NBPF26: variants seen among roughly 807,000 people sequenced by gnomAD.
The protein encoded by NBPF26 is NBPF family member NBPF26.
A neutral mutation model predicts 119.6 loss-of-function variants in NBPF26; 79 were observed. The ratio of observed to expected loss-of-function variants is 0.66; its 90% CI spans 0.55 to 0.80. NBPF26 has a LOEUF of 0.80. Among genes scored for constraint, NBPF26 ranks in the 30% least tolerant of loss-of-function variants. The pLI, the probability that NBPF26 is intolerant of heterozygous loss-of-function variation, is 0.00. For synonymous variants in NBPF26, 299 were observed against 457.7 expected (o/e 0.65, Z 4.43); for missense variants, 800 against 1,198.2 (o/e 0.67, Z 4.91).
At chr1:120,840,521 C>T (rs1553273540) in exon 30 of NBPF26, 1 of 1,474,016 alleles carries the variant, frequency 6.8e-7, no homozygotes, top group Admixed American at 1.8e-5. Flanking sequence ...TTTACGTGGA[C>T]AATAGGTTTT....
intron 1 of NBPF26, among the ~76,000 whole-genome samples, chr1:120,759,841 C>T (rs1292298007): frequency 8.8e-6 from 1 of 113,940 alleles, no homozygotes; most frequent in Non-Finnish European, 1.7e-5. Flanking sequence ...GAAATTTACT[C>T]TCTTAGCAAT....
At chr1:120,790,010 CTTT>C (rs1174501165) in intron 3 of NBPF26, among the ~76,000 whole-genome samples, 2 of 34,940 alleles carry the variant, frequency 5.7e-5, no homozygotes, top group African/African-American at 3.7e-4. Context: ...TTCTGATCAC[CTTT>C]TTTTTTTTTT....
intron 4 of NBPF26, chr1:120,805,304 T>A (rs1651653729): frequency 9.4e-7 from 1 of 1,063,790 alleles, no homozygotes; most frequent in African/African-American, 2.4e-5. Context: ...TGCAGACGGT[T>A]ACCTGGCACG....
In NBPF26 at chr1:120,783,747, T is replaced by C. The variant is rs1348519247; in HGVS notation, c.156-1227T>C. On this transcript the variant is annotated intron_variant, in intron 2 of 29. Transcript: ENST00000620612. ...TGCAGTCCAGACTTAAACGTTAGGG[T>C]GGCCATAATATATGGGGAAGAAGGA... Among the ~76,000 whole-genome samples the C allele has an allele frequency of 4.3e-5, 5 of 116,836 alleles. 2 individuals are homozygous for C. Among genetic ancestry groups the C allele is most frequent in the Non-Finnish European group, 8.2e-5 (5 of 61,038 alleles). 76.6% of individuals were successfully genotyped at this position (116,836 alleles called of 152,430 possible).
At position 120,790,720 on chromosome 1, in the gene NBPF26, C is replaced by T. The variant is rs1275172047; in HGVS notation, c.416-2441C>T. Among the ~76,000 whole-genome samples, 34 of 111,618 alleles carry T rather than the reference C, an allele frequency of 3.0e-4. 5 individuals carry two copies. The highest frequency in any genetic ancestry group is 3.4e-5 in the Non-Finnish European group (2 of 59,358). The allele number at this position is 111,618 out of a possible 152,430, so 73.2% of individuals were successfully genotyped here. A position where few individuals can be genotyped will look rare whatever the true frequency, so the allele number is the denominator to read the frequency against. On this transcript the variant is annotated intron_variant, in intron 3 of 29. Transcript: ENST00000620612. Reference sequence around the variant, plus strand: ...GTTCGAGTGATTCTTGTGCCTCAGCCTCCCAGGTAGCTGGGATTACAGGTA... The same window carrying T: ...GTTCGAGTGATTCTTGTGCCTCAGCTTCCCAGGTAGCTGGGATTACAGGTA...
exon 1 of NBPF26, chr1:120,724,193 C>G: frequency 7.1e-7 from 1 of 1,399,772 alleles, no homozygotes; most frequent in East Asian, 2.4e-5. Flanking sequence ...CGCCCTGCGT[C>G]CCGCTCTGCT....
intron 22 of NBPF26, among the ~76,000 whole-genome samples, chr1:120,832,427 C>G (rs1313882650): frequency 8.2e-5 from 8 of 97,830 alleles, no homozygotes; most frequent in Admixed American, 3.8e-4. Flanking sequence ...GCAGATGTGA[C>G]AAATTCAGAG....
intron 5 of NBPF26, among the ~76,000 whole-genome samples, chr1:120,806,303 A>C (rs1388794853): frequency 8.5e-6 from 1 of 117,776 alleles, no homozygotes; most frequent in Non-Finnish European, 1.7e-5. Context: ...CATCAAGAGC[A>C]GGGAGTAGGG....
rs1475527272 is a variant in NBPF26, at chr1:120,811,609, G to A, written c.1565-277G>A. Among the ~76,000 whole-genome samples, 4 of 113,162 alleles carry A rather than the reference G, an allele frequency of 3.5e-5. 1 individual carries two copies. The East Asian group carries it at 8.4e-4, about 24-fold the overall frequency. The allele number at this position is 113,162 out of a possible 152,430, so 74.2% of individuals were successfully genotyped here. On this transcript the variant is annotated intron_variant, in intron 9 of 29. Coordinates refer to ENST00000620612, the Ensembl canonical transcript of NBPF26. ...TCTTTTGTGCTACACAGAAACATTG[G>A]CCACTCATGGGGTAAAAATCTCAGG...
chr1:120,810,153 C>A (rs1166499692), intron 8 of NBPF26, among the ~76,000 whole-genome samples, 194 bp from the exon 9 acceptor site: 1 of 122,148 alleles, frequency 8.2e-6, no homozygotes, highest in East Asian at 2.0e-4. Flanking sequence ...CTGCTCTCTT[C>A]CTCTCTGGCT....
In NBPF26 at chr1:120,781,915, T is replaced by C. The variant is rs1651366725; in HGVS notation, c.156-3059T>C. 1.8e-5 allele frequency among the ~76,000 whole-genome samples: 2 copies of C among 110,896 alleles called. 1 individual carries two copies. The highest frequency in any genetic ancestry group is 1.1e-4 in the African/African-American group (2 of 18,300). The allele number at this position is 110,896 out of a possible 152,430, so 72.8% of individuals were successfully genotyped here. On this transcript the variant is annotated intron_variant, in intron 2 of 29. Coordinates refer to ENST00000620612, the Ensembl canonical transcript of NBPF26. ...AGTTCCTCATATATAAAATGGAGAT[T>C]ATAATATAGCACTGGAGCGAGTAAT...
chr1:120,781,676 G>A (rs1651362895), intron 2 of NBPF26, among the ~76,000 whole-genome samples: 2 of 73,484 alleles, frequency 2.7e-5, no homozygotes. Flanking sequence ...CCATTCTCCT[G>A]CCTCAGCCTC....
chr1:120,810,235 G>C (rs1320121552), intron 8 of NBPF26, 112 bp from the exon 9 acceptor site: 3 of 1,309,554 alleles, frequency 2.3e-6, no homozygotes, highest in African/African-American at 2.6e-5. Flanking sequence ...CCTCCGTTTT[G>C]CTTTCTGGAA....
intron 4 of NBPF26, among the ~76,000 whole-genome samples, chr1:120,802,280 T>A (rs1651591635): frequency 7.9e-6 from 1 of 125,946 alleles, no homozygotes; most frequent in Non-Finnish European, 1.6e-5. Flanking sequence ...TGAACTTGAA[T>A]TTGCACTGAC....
chr1:120,819,117 C>A (rs1652076493), intron 15 of NBPF26, among the ~76,000 whole-genome samples: 1 of 125,054 alleles, frequency 8.0e-6, no homozygotes, highest in Non-Finnish European at 1.6e-5. Context: ...GAGTCTAAAT[C>A]TCTTTGTAGG....
rs1355501587 is a variant in NBPF26, at chr1:120,815,543, C to T, written c.2092+500C>T. Among the ~76,000 whole-genome samples, 5 of 99,206 alleles carry T rather than the reference C, an allele frequency of 5.0e-5. 1 individual carries two copies. In the East Asian group the frequency reaches 7.1e-4, roughly 14 times the overall value. 65.1% of individuals were successfully genotyped at this position (99,206 alleles called of 152,430 possible). A position where few individuals can be genotyped will look rare whatever the true frequency, so the allele number is the denominator to read the frequency against. On this transcript the variant is annotated intron_variant, in intron 12 of 29. Transcript: ENST00000620612. ...TCCAAAATGAGATGAAGTCCCTCGCCGTGTGATGTTGGAGAAGGCACTTTA... is the reference window on the plus strand; with the variant it reads ...TCCAAAATGAGATGAAGTCCCTCGCTGTGTGATGTTGGAGAAGGCACTTTA...
chr1:120,737,711 T>C lies in NBPF26; in HGVS notation c.73+13461T>C, dbSNP rs1268032030. Among the ~76,000 whole-genome samples the C allele has an allele frequency of 4.8e-5, 6 of 125,068 alleles. No individual in the cohort carries two copies. In the South Asian group the frequency reaches 1.4e-3, roughly 30 times the overall value. 82.0% of individuals were successfully genotyped at this position (125,068 alleles called of 152,430 possible). ...ACTTCTTTGTACTAGTTGAGACAAC[T>C]CGGCAGGTCTGGTGTCATTAGTGAT... On this transcript the variant is annotated intron_variant, in intron 1 of 29. Coordinates refer to ENST00000620612, the Ensembl canonical transcript of NBPF26.
chr1:120,785,127 C>T, exon 3 of NBPF26: 1 of 1,446,482 alleles, frequency 6.9e-7, no homozygotes, highest in Non-Finnish European at 9.2e-7. Flanking sequence ...ACTGCCAGTA[C>T]TCGACACCTC....
chr1:120,812,243 G>T lies in NBPF26; in HGVS notation c.1774+148G>T, dbSNP rs1271793273. 1.8e-4 allele frequency: 91 copies of T among 510,790 alleles called. 8 individuals carry two copies. Among genetic ancestry groups the T allele is most frequent in the East Asian group, 5.5e-4 (19 of 34,352 alleles). 31.6% of individuals were successfully genotyped at this position (510,790 alleles called of 1,614,324 possible). A position where few individuals can be genotyped will look rare whatever the true frequency, so the allele number is the denominator to read the frequency against. On this transcript the variant is annotated intron_variant, in intron 10 of 29. Transcript: ENST00000620612. ...ATGGGTATTTTAACATTTTGTCAAA[G>T]TTGGAAGACAGAGGTACCAAAGTAT... is the stretch of plus-strand genomic sequence containing the variant.
Sources: allele counts gnomAD v4.1 joint callset (sites outside exome capture counted in the v4.1 genomes callset), GRCh38; gene constraint gnomAD v4.1.1; transcripts MANE v1.5; gene names NCBI Gene and HGNC (gene_info 2026-07-23, HGNC 2026-07-21).